Variants in TEAD4 observed in about 807,000 individuals in gnomAD.
TEAD4 encodes transcriptional enhancer factor TEF-3.
In TEAD4, 36 loss-of-function variants were observed where a neutral mutation model predicts 52.4. The ratio of observed to expected loss-of-function variants is 0.69; its 90% CI spans 0.53 to 0.91. The LOEUF (loss-of-function observed/expected upper bound fraction) is 0.91, where lower values mean the gene tolerates loss of function less well. Among genes scored for constraint, TEAD4 ranks in the 40% least tolerant of loss-of-function variants. TEAD4 has a pLI of 0.00. For synonymous variants in TEAD4, 220 were observed against 231.0 expected (o/e 0.95, Z 0.43); for missense variants, 508 against 583.9 (o/e 0.87, Z 1.34).
intron 2 of TEAD4, among the ~76,000 whole-genome samples, chr12:2,971,102 G>A (rs909169281): frequency 3.3e-5 from 5 of 152,336 alleles, no homozygotes; most frequent in Non-Finnish European, 5.9e-5. Context: ...AGGTGCAGCG[G>A]GAGTATGGAA....
At chr12:2,983,281 G>A (rs1034799102) in intron 2 of TEAD4, among the ~76,000 whole-genome samples, 37 of 152,190 alleles carry the variant, frequency 2.4e-4, no homozygotes, top group African/African-American at 8.9e-4. Context: ...AGCACTGACT[G>A]TGTCAGGCCC....
intron 10 of TEAD4, among the ~76,000 whole-genome samples, chr12:3,030,189 T>C (rs1270551059): frequency 6.6e-6 from 1 of 152,188 alleles, no homozygotes; most frequent in East Asian, 1.9e-4. Flanking sequence ...TTTTTTTGTT[T>C]GTTGGTGTGT....
chr12:3,025,107 G>T (rs945040191), intron 10 of TEAD4, among the ~76,000 whole-genome samples: 1 of 152,064 alleles, frequency 6.6e-6, no homozygotes, highest in African/African-American at 2.4e-5. Context: ...ATCATGGCTG[G>T]CTAATTTTTG....
At chr12:3,022,061 G>A (rs202062036) in intron 10 of TEAD4, 44 bp downstream of exon 10, 14 of 1,604,962 alleles carry the variant, frequency 8.7e-6, no homozygotes, top group Admixed American at 3.4e-5. Flanking sequence ...CAGCGTGTCC[G>A]TGGTAGTGAG....
At chr12:2,991,132 A>G (rs143275327) in intron 2 of TEAD4, among the ~76,000 whole-genome samples, 2 of 152,178 alleles carry the variant, frequency 1.3e-5, no homozygotes, top group African/African-American at 2.4e-5. Flanking sequence ...CCATGAGTTC[A>G]GTGCTGTACT....
intron 10 of TEAD4, among the ~76,000 whole-genome samples, chr12:3,031,508 G>A (rs562006071): frequency 1.3e-5 from 2 of 152,306 alleles, no homozygotes; most frequent in African/African-American, 4.8e-5. Flanking sequence ...GACCATCCTA[G>A]GTCTCTTGTT....
At chr12:3,015,954 T>C (rs913217712) in intron 5 of TEAD4, among the ~76,000 whole-genome samples, 2 of 152,024 alleles carry the variant, frequency 1.3e-5, no homozygotes, top group Non-Finnish European at 2.9e-5. Flanking sequence ...GGCAGGAGGA[T>C]CACATGAAGC....
At chr12:2,989,827 A>G (rs2098241639) in intron 2 of TEAD4, among the ~76,000 whole-genome samples, 1 of 152,186 alleles carries the variant, frequency 6.6e-6, no homozygotes, top group South Asian at 2.1e-4. Flanking sequence ...TGTTTTGGGT[A>G]TTCTGCAGTG....
intron 2 of TEAD4, among the ~76,000 whole-genome samples, chr12:2,977,525 A>G (rs1384768725): frequency 6.6e-6 from 1 of 152,166 alleles, no homozygotes; most frequent in East Asian, 1.9e-4. Flanking sequence ...GATGGCCGGG[A>G]AGGTGCTGCC....
intron 3 of TEAD4, among the ~76,000 whole-genome samples, chr12:3,008,094 C>T (rs1232386541): frequency 2.0e-5 from 3 of 152,138 alleles, no homozygotes; most frequent in African/African-American, 7.2e-5. Flanking sequence ...GACTGTGGTT[C>T]TGACGGGGGT....
chr12:3,007,149 C>T (rs1235787290), intron 3 of TEAD4, among the ~76,000 whole-genome samples: 1 of 152,190 alleles, frequency 6.6e-6, no homozygotes, highest in Non-Finnish European at 1.5e-5. Flanking sequence ...AGCCCTGGAA[C>T]CTTGTGGCAG....
chr12:3,040,317 A>T (rs7294804), intron 12 of TEAD4, 48 bp from the exon 13 acceptor site: 3 of 1,613,612 alleles, frequency 1.9e-6, no homozygotes, highest in East Asian at 2.2e-5. Flanking sequence ...CAGCCATGGC[A>T]TGCCCCTTCT....
chr12:2,990,424 A>AT (rs2098242047), intron 2 of TEAD4, among the ~76,000 whole-genome samples: 1 of 89,418 alleles, frequency 1.1e-5, no homozygotes, highest in Non-Finnish European at 2.3e-5. Context: ...TTTAAGAATT[A>AT]TTTTTTATAT....
intron 2 of TEAD4, among the ~76,000 whole-genome samples, chr12:2,975,376 T>C (rs2098228768): frequency 4.1e-5 from 6 of 145,810 alleles, no homozygotes; most frequent in Admixed American, 4.1e-4. Context: ...ATTATTATTA[T>C]TATTATTATT....
intron 4 of TEAD4, among the ~76,000 whole-genome samples, chr12:3,011,325 G>C (rs1164357837): frequency 5.3e-5 from 8 of 152,100 alleles, no homozygotes; most frequent in Admixed American, 5.2e-4. Context: ...TCTCCTCCTG[G>C]GTTCAAGTGA....
chr12:3,006,552 G>T (rs901966516), intron 3 of TEAD4, among the ~76,000 whole-genome samples: 6 of 152,044 alleles, frequency 3.9e-5, no homozygotes, highest in Non-Finnish European at 7.4e-5. Context: ...AATTAGCTGG[G>T]CGTTGCCTGT....
intron 2 of TEAD4, among the ~76,000 whole-genome samples, chr12:2,963,384 A>G (rs2098217482): frequency 6.6e-6 from 1 of 152,168 alleles, no homozygotes; most frequent in African/African-American, 2.4e-5. Context: ...TTGGAAATTC[A>G]GGGCTTGTGA....
At chr12:3,008,604 G>A (rs572407796) in intron 3 of TEAD4, among the ~76,000 whole-genome samples, 3 of 152,170 alleles carry the variant, frequency 2.0e-5, no homozygotes, top group Non-Finnish European at 4.4e-5. Flanking sequence ...CAGAGATGGC[G>A]GGAGCTTGGA....
At chr12:2,992,258 A>T (rs557952852) in intron 2 of TEAD4, among the ~76,000 whole-genome samples, 1 of 151,826 alleles carries the variant, frequency 6.6e-6, no homozygotes, top group African/African-American at 2.4e-5. Context: ...ACCTCAGGGG[A>T]TCCACCCGCC....
Sources: gnomAD v4.1 joint callset for allele counts (sites outside exome capture counted in the v4.1 genomes callset) on GRCh38, gnomAD v4.1.1 for gene constraint, MANE v1.5 for transcripts, NCBI Gene and HGNC (gene_info 2026-07-23, HGNC 2026-07-21) for gene names.